The following SLC38A12 variants were observed in gnomAD, a reference collection of about 807,000 sequenced individuals.
The protein encoded by SLC38A12 is solute carrier family 38 member 12.
At chr17:74,804,514 G>C in the SLC38A12 span, among the ~76,000 whole-genome samples, 1 of 152,260 alleles carries the variant, frequency 6.6e-6, no homozygotes, top group Admixed American at 6.5e-5. Context: ...CATTAATGAT[G>C]ATATCGGATG....
the SLC38A12 span, chr17:74,795,606 C>T: frequency 5.0e-6 from 8 of 1,613,792 alleles, no homozygotes; most frequent in Non-Finnish European, 5.9e-6. Context: ...GCCCCTGCGC[C>T]GAGTGGACGC....
At chr17:74,836,654 G>A in the SLC38A12 span, 57 of 1,610,482 alleles carry the variant, frequency 3.5e-5, no homozygotes, top group African/African-American at 6.7e-5. The surrounding 1 kb of genome is among the most constrained non-coding windows in gnomAD (Gnocchi z 4.2). Flanking sequence ...TTTTCGTCAC[G>A]GCCAATATCA....
At chr17:74,777,537 T>C in the SLC38A12 span, 2 of 1,543,548 alleles carry the variant, frequency 1.3e-6, no homozygotes, top group Admixed American at 1.9e-5. Flanking sequence ...AGTGCTGCTG[T>C]GGTGGCTCAG....
At chr17:74,782,826 G>T in the SLC38A12 span, among the ~76,000 whole-genome samples, 1 of 152,190 alleles carries the variant, frequency 6.6e-6, no homozygotes, top group Non-Finnish European at 1.5e-5. Flanking sequence ...GGATTTGTCT[G>T]TGGGATCAAA....
the SLC38A12 span, chr17:74,785,742 AG>A: frequency 8.1e-7 from 1 of 1,228,728 alleles, no homozygotes; most frequent in East Asian, 2.6e-5. Flanking sequence ...AGTCCTTGCC[AG>A]GGTATTCAGA....
At chr17:74,790,338 C>T in the SLC38A12 span, 1 of 1,561,130 alleles carries the variant, frequency 6.4e-7, no homozygotes, top group Admixed American at 1.7e-5. Context: ...TCCCTCCGGG[C>T]CACAGGGTTC....
the SLC38A12 span, among the ~76,000 whole-genome samples, chr17:74,828,437 G>A: frequency 1.4e-4 from 21 of 152,280 alleles, no homozygotes; most frequent in Admixed American, 1.1e-3. Flanking sequence ...GGAGTGTGCC[G>A]CGTGCGGTCT....
At chr17:74,795,088 C>A in the SLC38A12 span, 2 of 1,614,066 alleles carry the variant, frequency 1.2e-6, no homozygotes, top group Non-Finnish European at 1.7e-6. Context: ...CTGCCGTGCC[C>A]TTCTCCCTCA....
At chr17:74,823,863 T>A in the SLC38A12 span, among the ~76,000 whole-genome samples, 3 of 152,266 alleles carry the variant, frequency 2.0e-5, no homozygotes, top group Admixed American at 2.0e-4. Flanking sequence ...ACTCCCAAGG[T>A]GCACAGTTGG....
the SLC38A12 span, among the ~76,000 whole-genome samples, chr17:74,806,044 A>G: frequency 1.1e-3 from 168 of 152,296 alleles, no homozygotes; most frequent in African/African-American, 3.8e-3. Flanking sequence ...ATCACCACCA[A>G]TGAATGTTCT....
chr17:74,795,089 T>G, the SLC38A12 span: 2 of 1,614,158 alleles, frequency 1.2e-6, no homozygotes, highest in Non-Finnish European at 1.7e-6. Context: ...TGCCGTGCCC[T>G]TCTCCCTCAT....
the SLC38A12 span, chr17:74,785,490 G>C: frequency 6.2e-7 from 1 of 1,611,516 alleles, no homozygotes; most frequent in Non-Finnish European, 8.5e-7. Context: ...AGGTTGGGCT[G>C]GTGTACATGT....
At chr17:74,785,401 C>T in the SLC38A12 span, 2 of 1,555,442 alleles carry the variant, frequency 1.3e-6, no homozygotes, top group Non-Finnish European at 1.8e-6. Context: ...GTGGTGCCAT[C>T]ACCAGGGTCG....
At chr17:74,789,854 A>AAG in the SLC38A12 span, among the ~76,000 whole-genome samples, 1 of 151,278 alleles carries the variant, frequency 6.6e-6, no homozygotes, top group African/African-American at 2.4e-5. Flanking sequence ...TCAAAAAAAA[A>AAG]AAAAAAAAAA....
At chr17:74,818,968 G>C in the SLC38A12 span, among the ~76,000 whole-genome samples, 1 of 152,198 alleles carries the variant, frequency 6.6e-6, no homozygotes, top group Non-Finnish European at 1.5e-5. Context: ...CCAGTTTTCT[G>C]AGACAGAGTT....
At chr17:74,824,625 C>G in the SLC38A12 span, among the ~76,000 whole-genome samples, 1 of 152,194 alleles carries the variant, frequency 6.6e-6, no homozygotes, top group African/African-American at 2.4e-5. Flanking sequence ...AAAGGCTGCT[C>G]TGGAGTGCCA....
chr17:74,777,046 C>T, the SLC38A12 span, among the ~76,000 whole-genome samples: 1 of 151,780 alleles, frequency 6.6e-6, no homozygotes, highest in Non-Finnish European at 1.5e-5. Context: ...GTGCTGGGCA[C>T]AGAGCAGTGC....
At chr17:74,816,847 T>C in the SLC38A12 span, among the ~76,000 whole-genome samples, 8 of 152,284 alleles carry the variant, frequency 5.3e-5, no homozygotes, top group African/African-American at 1.9e-4. Flanking sequence ...TAATGTCATA[T>C]GGGCTAGACT....
chr17:74,796,760 G>A, the SLC38A12 span, among the ~76,000 whole-genome samples: 50 of 152,246 alleles, frequency 3.3e-4, no homozygotes, highest in Admixed American at 2.0e-3. Context: ...ATTTGGTAGC[G>A]GGTTAATTGT....
Sources: gnomAD v4.1 joint callset for allele counts (sites outside exome capture counted in the v4.1 genomes callset) on GRCh38, gnomAD v4.1.1 for gene constraint, Gnocchi (gnomAD v3.1) non-coding constraint, MANE v1.5 for transcripts, NCBI Gene and HGNC (gene_info 2026-07-23, HGNC 2026-07-21) for gene names.